Variants in RUVBL1 observed in about 807,000 individuals in gnomAD.
The protein encoded by RUVBL1 is ruvB-like 1.
A neutral mutation model predicts 52.4 loss-of-function variants in RUVBL1; 4 were observed. The ratio of observed to expected loss-of-function variants is 0.08; its 90% CI spans 0.04 to 0.17. RUVBL1 has a LOEUF of 0.17. Among genes scored for constraint, RUVBL1 ranks in the 10% least tolerant of loss-of-function variants. The probability of loss-of-function intolerance (pLI) is 1.00; values close to 1 mark genes in which losing one functional copy is unlikely to be tolerated. For missense variants in RUVBL1, 298 were observed against 572.8 expected (o/e 0.52, Z 4.90); for synonymous variants, 217 against 214.4 (o/e 1.01, Z -0.10).
At chr3:128,078,532 C>G (rs999084108), downstream of RUVBL1, among the ~76,000 whole-genome samples, 3 of 152,248 alleles carry the variant, frequency 2.0e-5, no homozygotes, top group African/African-American at 7.2e-5. Flanking sequence ...ACCCAATCAG[C>G]TCCCTGGGTG....
chr3:128,079,601 G>A (rs916977891), downstream of RUVBL1, among the ~76,000 whole-genome samples: 5 of 152,192 alleles, frequency 3.3e-5, no homozygotes, highest in East Asian at 5.8e-4. Flanking sequence ...ACTGGCAGCC[G>A]GCATGGGCCA....
intron 8 of RUVBL1, among the ~76,000 whole-genome samples, chr3:128,089,503 T>C (rs1438901239): frequency 6.6e-6 from 1 of 152,262 alleles, no homozygotes; most frequent in Non-Finnish European, 1.5e-5. Context: ...AGTATCTGAA[T>C]ATTTGGTTTC....
chr3:128,123,920 C>G, upstream of RUVBL1: 1 of 1,242,602 alleles, frequency 8.0e-7, no homozygotes, highest in Non-Finnish European at 1.0e-6. Flanking sequence ...GCTGCTAGAG[C>G]TCCGGTCACC....
rs540330121 is a variant in RUVBL1, at chr3:128,091,823, T to C, written c.1017-4015A>G. The stretch of plus-strand genomic sequence containing the variant: ...ACTTCTGAGTCATGTTAAGTAAAAA[T>C]GTCTCCAGACATTGCTACATGTCCC... On this transcript the variant is annotated intron_variant, in intron 8 of 10. Transcript: ENST00000322623. Among the ~76,000 whole-genome samples the C allele has an allele frequency of 5.3e-5, 8 of 152,300 alleles. No homozygotes were observed. The South Asian group carries it at 1.7e-3, about 32-fold the overall frequency.
rs554478258 is a variant in RUVBL1, at chr3:128,098,055, G to A, written c.818-557C>T. On this transcript the variant is annotated intron_variant, in intron 7 of 10. Coordinates refer to ENST00000322623, the MANE Select transcript of RUVBL1 (RefSeq NM_003707.3). The stretch of plus-strand genomic sequence containing the variant: ...GAGCAGAAACCTTTGAGGAATGAAA[G>A]GCTCTGAAGAAAGGCCCAATCTCAG... Among the ~76,000 whole-genome samples, 21 of 152,294 alleles carry A rather than the reference G, an allele frequency of 1.4e-4. No homozygotes were observed. The South Asian group carries it at 2.5e-3, about 18-fold the overall frequency.
chr3:128,069,995 T>G (rs1942113438), intron 9 of RUVBL1: 1 of 189,162 alleles, frequency 5.3e-6, no homozygotes, highest in African/African-American at 2.3e-5. Context: ...CCGTCTCACC[T>G]GTTTCCCCAC....
At chr3:128,105,055 G>A in intron 3 of RUVBL1, 131 bp from the exon 4 acceptor site, 1 of 867,190 alleles carries the variant, frequency 1.2e-6, no homozygotes, top group East Asian at 2.6e-5. Context: ...GTCATGATGG[G>A]TAAAAAGGCA....
At chr3:128,106,110 C>T (rs900410266) in intron 3 of RUVBL1, among the ~76,000 whole-genome samples, 3 of 152,000 alleles carry the variant, frequency 2.0e-5, no homozygotes, top group Non-Finnish European at 4.4e-5. Context: ...GAACTCCTGA[C>T]CTCAGGTGAT....
chr3:128,118,447 A>T (rs948390576), intron 2 of RUVBL1, among the ~76,000 whole-genome samples: 7 of 152,132 alleles, frequency 4.6e-5, no homozygotes, highest in African/African-American at 1.7e-4. Flanking sequence ...AAGTTAAGGG[A>T]CCTGCCTCAG....
chr3:128,074,851 A>AAAAAC (rs1179309498), intron 9 of RUVBL1, among the ~76,000 whole-genome samples: 10 of 151,618 alleles, frequency 6.6e-5, no homozygotes, highest in African/African-American at 2.2e-4. Context: ...TCAAAAAAAA[A>AAAAAC]AAAAAAAAAA....
intron 9 of RUVBL1, chr3:128,075,680 T>TA (rs71153116): frequency 0.22 from 33,633 of 151,646 alleles, 3,803 homozygotes; most frequent in South Asian, 0.27. Flanking sequence ...CACGCCCCCA[T>TA]GGGGGGAGGG....
At chr3:128,128,118 G>A (rs558355039), upstream of RUVBL1, among the ~76,000 whole-genome samples, 12 of 152,028 alleles carry the variant, frequency 7.9e-5, no homozygotes, top group African/African-American at 2.2e-4. Flanking sequence ...TCAGCCTCCC[G>A]AGTAGCTGGG....
intron 1 of RUVBL1, among the ~76,000 whole-genome samples, chr3:128,139,704 G>T (rs1055520955): frequency 6.6e-6 from 1 of 152,134 alleles, no homozygotes; most frequent in Non-Finnish European, 1.5e-5. Flanking sequence ...AAAAGAATGA[G>T]ATCCTGTCAC....
At chr3:128,109,961 G>A (rs1289125010) in intron 3 of RUVBL1, among the ~76,000 whole-genome samples, 12 of 151,642 alleles carry the variant, frequency 7.9e-5, no homozygotes, top group Non-Finnish European at 1.6e-4. Context: ...GATTACAGGC[G>A]TATGCCACCA....
At chr3:128,099,508 C>A (rs1410132361) in intron 6 of RUVBL1, among the ~76,000 whole-genome samples, 1 of 152,196 alleles carries the variant, frequency 6.6e-6, no homozygotes, top group Non-Finnish European at 1.5e-5. Context: ...CTAGATTTGA[C>A]CACAGGCTTG....
intron 9 of RUVBL1, chr3:128,066,812 C>G: frequency 1.4e-6 from 1 of 712,892 alleles, no homozygotes; most frequent in Non-Finnish European, 2.4e-6. Flanking sequence ...TGGGCACAAG[C>G]TCTCGGAACT....
intron 9 of RUVBL1, chr3:128,071,111 G>C (rs1942155694): frequency 6.6e-6 from 1 of 152,390 alleles, no homozygotes; most frequent in Admixed American, 6.5e-5. Context: ...CAGCCCGGCA[G>C]AGGGGCACAC....
At chr3:128,077,234 C>T (rs1942361058), downstream of RUVBL1, among the ~76,000 whole-genome samples, 1 of 152,102 alleles carries the variant, frequency 6.6e-6, no homozygotes, top group East Asian at 1.9e-4. Flanking sequence ...CAGGGGACGA[C>T]AGGCAGCCCC....
chr3:128,096,072 AG>A (rs1455724313), intron 8 of RUVBL1, among the ~76,000 whole-genome samples: 1 of 152,188 alleles, frequency 6.6e-6, no homozygotes, highest in African/African-American at 2.4e-5. Context: ...CATGGGCCAC[AG>A]GGTGTCTTTC....
Sources: gnomAD v4.1 joint callset for allele counts (sites outside exome capture counted in the v4.1 genomes callset) on GRCh38, gnomAD v4.1.1 for gene constraint, MANE v1.5 for transcripts, NCBI Gene and HGNC (gene_info 2026-07-23, HGNC 2026-07-21) for gene names.